The following UGT3A2 variants were observed in gnomAD, a reference collection of about 807,000 sequenced individuals.
UGT3A2 encodes UDP-glycosyltransferase 3A2.
In UGT3A2, 32 loss-of-function variants were observed where a neutral mutation model predicts 39.8. The observed-to-expected ratio is 0.80, with a 90% CI of 0.61 to 1.08. UGT3A2 has a LOEUF of 1.08. Ranked by LOEUF, UGT3A2 falls within the 50% of genes least tolerant of loss-of-function variation. The probability of loss-of-function intolerance (pLI) is 0.00; values close to 1 mark genes in which losing one functional copy is unlikely to be tolerated. For synonymous variants in UGT3A2, 241 were observed against 230.7 expected, an observed-to-expected ratio of 1.04 and a Z score of -0.40; for missense variants, 611 against 637.1, an observed-to-expected ratio of 0.96 and a Z score of 0.44.
rs763719470 is a variant in UGT3A2 at position 36,035,890 on chromosome 5, G to A, written c.1380C>T (p.Asp460=). 10 of 1,614,186 alleles carry A rather than the reference G, an allele frequency of 6.2e-6. No individual in the cohort carries two copies. The highest frequency in any genetic ancestry group is 8.5e-6 in the Non-Finnish European group (10 of 1,180,030). Residue 460 remains aspartate, a synonymous_variant, in exon 7 of 7, where the codon GAC becomes GAT. Coordinates refer to ENST00000282507, the MANE Select transcript of UGT3A2 (RefSeq NM_174914.4). ...SPTQRLVGWI[D]HVLQTGGATH... is the part of the protein sequence containing the mutation. ...TCGCGCCCCCTGTCTGGAGGACGTG[G>A]TCAATCCAGCCCACCAGCCGCTGTG...
intron 2 of UGT3A2, among the ~76,000 whole-genome samples, chr5:36,052,524 A>G (rs1407279704): frequency 1.5e-5 from 2 of 136,522 alleles, no homozygotes; most frequent in Non-Finnish European, 3.3e-5. Flanking sequence ...CCCCTTCCCA[A>G]CCCCATGCTT....
chr5:36,062,456 C>T (rs1194369791), intron 2 of UGT3A2, among the ~76,000 whole-genome samples: 5 of 152,018 alleles, frequency 3.3e-5, no homozygotes, highest in Admixed American at 6.6e-5. Flanking sequence ...CAGCTTTCTA[C>T]GTATGGCTAG....
At chr5:36,066,632 G>GT (rs1220916011) in intron 1 of UGT3A2, 64 bp downstream of exon 1, 3 of 1,608,906 alleles carry the variant, frequency 1.9e-6, no homozygotes, top group Non-Finnish European at 2.6e-6. Flanking sequence ...GCTGTTCTCT[G>GT]GAGCCCTGGC....
chr5:36,046,746 A>G (rs561271556), intron 4 of UGT3A2, among the ~76,000 whole-genome samples: 17 of 152,358 alleles, frequency 1.1e-4, no homozygotes, highest in African/African-American at 4.1e-4. Context: ...CAAGTAACTA[A>G]AAGAATATAA....
At chr5:36,052,645 C>T (rs1289286619) in intron 2 of UGT3A2, among the ~76,000 whole-genome samples, 2 of 152,124 alleles carry the variant, frequency 1.3e-5, no homozygotes, top group Admixed American at 6.5e-5. Context: ...GCCCATCCTA[C>T]CCCTCCTCAC....
chr5:36,063,815 T>G (rs1253472209), intron 2 of UGT3A2, among the ~76,000 whole-genome samples: 2 of 152,164 alleles, frequency 1.3e-5, no homozygotes, highest in African/African-American at 4.8e-5. Flanking sequence ...TTTGTATTTT[T>G]TGTAGAGACA....
At chr5:36,036,268 C>T (rs1282767603) in intron 6 of UGT3A2, among the ~76,000 whole-genome samples, 1 of 152,172 alleles carries the variant, frequency 6.6e-6, no homozygotes, top group East Asian at 1.9e-4. Context: ...AATTATTATA[C>T]ATATACATGG....
intron 2 of UGT3A2, 92 bp downstream of exon 2, chr5:36,064,157 T>G: frequency 8.3e-7 from 1 of 1,212,078 alleles, no homozygotes; most frequent in South Asian, 1.4e-5. Flanking sequence ...TGAATTAGAT[T>G]TTTAAAAAAC....
At position 36,039,588 on chromosome 5, in the gene UGT3A2, G is replaced by T. The variant is rs1008549031; in HGVS notation, c.964C>A (p.His322Asn). Residue 322 changes from histidine (H) to asparagine (N), a missense_variant, in exon 5 of 7, where the codon CAC becomes AAC. His to Asn is a moderately conservative substitution (Grantham distance 68). Coordinates refer to ENST00000282507, the MANE Select transcript of UGT3A2 (RefSeq NM_174914.4). Reference protein sequence around the residue: ...IFKEMNNAFAHLPQGVIWKCQ... With the variant: ...IFKEMNNAFANLPQGVIWKCQ... ...TTCCATATCACCCCTTGGGGTAGGTGAGCAAAGGCATTGTTCATCTCCTTG... is the reference window on the plus strand; with the variant it reads ...TTCCATATCACCCCTTGGGGTAGGTTAGCAAAGGCATTGTTCATCTCCTTG... 2 of 1,614,056 alleles carry T rather than the reference G, an allele frequency of 1.2e-6. No individual in the cohort carries two copies. Among genetic ancestry groups the T allele is most frequent in the Non-Finnish European group, 8.5e-7 (1 of 1,180,036 alleles).
chr5:36,048,401 C>T (rs948629220), intron 4 of UGT3A2, among the ~76,000 whole-genome samples: 2 of 152,132 alleles, frequency 1.3e-5, no homozygotes, highest in South Asian at 4.1e-4. Context: ...GGAGCCAGGG[C>T]TCTACAGGCA....
At chr5:36,054,328 G>C (rs1006129396) in intron 2 of UGT3A2, among the ~76,000 whole-genome samples, 1 of 152,030 alleles carries the variant, frequency 6.6e-6, no homozygotes, top group Admixed American at 6.5e-5. Context: ...TCTTTGGGAG[G>C]GAGCATTATT....
At chr5:36,042,853 T>G (rs78228558) in intron 4 of UGT3A2, among the ~76,000 whole-genome samples, 1 of 152,092 alleles carries the variant, frequency 6.6e-6, no homozygotes, top group Non-Finnish European at 1.5e-5. Flanking sequence ...TATAAATATA[T>G]AGGCACTCAA....
chr5:36,051,959 A>T lies in UGT3A2; in HGVS notation c.222T>A (p.Tyr74Ter), dbSNP rs555819548. The change falls in exon 3 of 7, where the codon TAT becomes TAA. Residue 74 changes from tyrosine to a stop codon, truncating the protein, a stop_gained. Coordinates refer to ENST00000282507, the MANE Select transcript of UGT3A2 (RefSeq NM_174914.4). LOFTEE classifies it high-confidence loss of function. ...MPDFKKEEKS[Y>*]QVISWLAPED... ...CAGGTGCAAGCCAACTGATAACTTGATATGATTTTTCTTCCTTTTTAAAAT... is the reference window on the plus strand; with the variant it reads ...CAGGTGCAAGCCAACTGATAACTTGTTATGATTTTTCTTCCTTTTTAAAAT... The T allele has an allele frequency of 6.3e-7, 1 of 1,574,850 alleles. No individual in the cohort carries two copies. The highest frequency in any genetic ancestry group is 2.3e-5 in the East Asian group (1 of 43,792).
chr5:36,040,947 G>C (rs1292126430), intron 4 of UGT3A2, among the ~76,000 whole-genome samples: 1 of 152,128 alleles, frequency 6.6e-6, no homozygotes, highest in Admixed American at 6.5e-5. Context: ...TGCAATGTGG[G>C]TACTAGTTTA....
chr5:36,046,581 A>G (rs1561491847), intron 4 of UGT3A2, among the ~76,000 whole-genome samples: 1 of 152,188 alleles, frequency 6.6e-6, no homozygotes, highest in Non-Finnish European at 1.5e-5. Flanking sequence ...TCATGGAGAT[A>G]GCAGAACGAT....
At chr5:36,060,924 G>A (rs1296421485) in intron 2 of UGT3A2, among the ~76,000 whole-genome samples, 8 of 152,238 alleles carry the variant, frequency 5.3e-5, no homozygotes, top group African/African-American at 1.9e-4. Flanking sequence ...GGAAGGCCAA[G>A]GCAGGCAGAT....
chr5:36,055,005 T>C (rs1742460178), intron 2 of UGT3A2, among the ~76,000 whole-genome samples: 1 of 151,996 alleles, frequency 6.6e-6, no homozygotes, highest in South Asian at 2.1e-4. Context: ...TGGCAGTACT[T>C]CTGAAGGTAT....
At chr5:36,048,751 C>T (rs990982302) in intron 4 of UGT3A2, 138 bp downstream of exon 4, 1 of 1,264,698 alleles carries the variant, frequency 7.9e-7, no homozygotes, top group African/African-American at 1.5e-5. Context: ...CTCATCACTT[C>T]CTTTAAAAGC....
intron 3 of UGT3A2, among the ~76,000 whole-genome samples, chr5:36,050,263 C>A (rs973042424): frequency 1.2e-4 from 18 of 151,966 alleles, no homozygotes; most frequent in African/African-American, 3.9e-4. Flanking sequence ...TGCAAAGGGA[C>A]GATTCTTTTG....
Sources: allele counts gnomAD v4.1 joint callset (sites outside exome capture counted in the v4.1 genomes callset), GRCh38; gene constraint gnomAD v4.1.1; transcripts MANE v1.5; gene names NCBI Gene and HGNC (gene_info 2026-07-23, HGNC 2026-07-21).